The following MXRA5 variants were observed in gnomAD, a reference collection of about 807,000 sequenced individuals.
The protein encoded by MXRA5 is matrix-remodeling-associated protein 5.
MXRA5 carries 41 observed loss-of-function variants against 112.5 expected under a neutral mutation model. The observed-to-expected ratio is 0.36, with a 90% confidence interval of 0.28 to 0.47. The LOEUF (loss-of-function observed/expected upper bound fraction) is 0.47. Among genes scored for constraint, MXRA5 ranks in the 20% least tolerant of loss-of-function variants. The pLI is 0.99. For missense variants in MXRA5, 2,150 were observed against 2,251.0 expected (o/e 0.96, Z 0.91); for synonymous variants, 862 against 900.8 (o/e 0.96, Z 0.77).
In MXRA5 at chrX:3,320,457, A is replaced by G. The variant is rs748188513; in HGVS notation, c.5228T>C (p.Leu1743Ser). 8.3e-7 allele frequency: 1 copy of G among 1,211,450 alleles called. No individual in the cohort carries two copies. ...TATCTGGGGTCTCCGGGTGACTCCC[A>G]ACTGTGGAAAAGAAAGAGTCTTGTT... Reference protein sequence around the residue: ...FTNKTLSFPQLGVTRRPQIPT... With the variant: ...FTNKTLSFPQSGVTRRPQIPT... Residue 1743 changes from leucine to serine, a missense_variant, in exon 5 of 7, where the codon TTG (leucine) becomes TCG (serine). Leu to Ser is a moderately radical substitution (Grantham distance 145). Around this residue, in one of 6 missense-constraint regions of MXRA5, gnomAD observed 1,485 missense variants for 1,471.6 expected, o/e 1.01. Coordinates refer to ENST00000217939, the MANE Select transcript of MXRA5 (RefSeq NM_015419.4).
At chrX:3,328,668 T>C (rs1372793325) in intron 4 of MXRA5, among the ~76,000 whole-genome samples, 1 of 108,380 alleles carries the variant, frequency 9.2e-6, no homozygotes, top group African/African-American at 3.4e-5. Flanking sequence ...GAGGATGGAG[T>C]TGAGGAAATA....
intron 2 of MXRA5, among the ~76,000 whole-genome samples, chrX:3,340,149 G>A (rs1921881316): frequency 1.8e-5 from 2 of 111,260 alleles, no homozygotes; most frequent in South Asian, 3.8e-4. Context: ...TTTCAGAAAC[G>A]CTTTTAGTTT....
intron 2 of MXRA5, among the ~76,000 whole-genome samples, chrX:3,338,507 T>C (rs747251940): frequency 2.2e-4 from 24 of 111,101 alleles, no homozygotes; most frequent in South Asian, 1.2e-3. Flanking sequence ...AGGTGATAGA[T>C]AGATGATAGA....
At chrX:3,315,278 T>G (rs1259529207) in intron 6 of MXRA5, among the ~76,000 whole-genome samples, 1 of 105,339 alleles carries the variant, frequency 9.5e-6, no homozygotes, top group Admixed American at 1.0e-4. Context: ...TGCAAACCAC[T>G]GCCATAGATG....
chrX:3,323,668 A>G lies in MXRA5; in HGVS notation c.2017T>C (p.Ser673Pro), dbSNP rs752048789. Residue 673 changes from serine to proline, a missense_variant, in exon 5 of 7, where the codon TCT (serine) becomes CCT (proline). By Grantham distance (74) the Ser-to-Pro change is moderately conservative. This residue lies in a region of MXRA5 where 1,485 missense variants were observed against 1,471.6 expected (regional missense o/e 1.01). Transcript: ENST00000217939. The stretch of plus-strand genomic sequence containing the variant: ...CTGCCTCTTTTGGATGGCAAGCCAG[A>G]CCCTTTCTTGGTCACTGTGATTCCC... The part of the protein sequence containing the change: ...TVGITVTKKG[S>P]GLPSKRGRRP... 1 of 1,209,937 alleles carries G rather than the reference A, an allele frequency of 8.3e-7. No individual in the cohort carries two copies. The highest frequency in any genetic ancestry group is 1.8e-5 in the South Asian group (1 of 56,782).
intron 4 of MXRA5, among the ~76,000 whole-genome samples, chrX:3,328,874 G>GAGGA (rs1970770878): frequency 1.0e-5 from 1 of 100,462 alleles, no homozygotes; most frequent in Non-Finnish European, 2.0e-5. Context: ...GAGAAGGCAG[G>GAGGA]AGGAAGGAAG....
In MXRA5 at chrX:3,310,097, C is replaced by T. The variant is rs554697868; in HGVS notation, c.8106G>A (p.Ser2702=). 2.7e-4 allele frequency: 326 copies of T among 1,209,360 alleles called. 3 individuals carry two copies. The South Asian group carries it at 5.2e-3, about 19-fold the overall frequency. The change falls in exon 7 of 7, where the codon TCG becomes TCA. Residue 2702 remains serine, a synonymous_variant. Transcript: ENST00000217939. ...DNGTLTVREA[S]VFDRGTYVCR... is the part of the protein sequence containing the mutation. ...ATACATAGGTACCCCTGTCAAACAC[C>T]GAGGCCTCACGAACCGTGAGGGTGC...
intron 6 of MXRA5, among the ~76,000 whole-genome samples, chrX:3,316,051 T>A (rs190082503): frequency 4.5e-5 from 1 of 22,301 alleles, no homozygotes; most frequent in Non-Finnish European, 9.6e-5. Flanking sequence ...GGGACAAAAT[T>A]TCATTGCAGA....
At chrX:3,332,649 G>A (rs1921695084) in intron 2 of MXRA5, among the ~76,000 whole-genome samples, 2 of 112,126 alleles carry the variant, frequency 1.8e-5, no homozygotes, top group Admixed American at 1.9e-4. Flanking sequence ...TGGTGTATGG[G>A]GAAAATATAG....
chrX:3,315,372 G>GATGA (rs1234112267), intron 6 of MXRA5, among the ~76,000 whole-genome samples: 23 of 29,569 alleles, frequency 7.8e-4, no homozygotes, highest in South Asian at 4.2e-3. Context: ...TAGATAGATA[G>GATGA]AATAGATAGA....
chrX:3,343,645 C>A lies in MXRA5; in HGVS notation c.188+1G>T. On this transcript the variant is annotated splice_donor_variant, in intron 2 of 6. Coordinates refer to ENST00000217939, the MANE Select transcript of MXRA5 (RefSeq NM_015419.4). LOFTEE classifies it high-confidence loss of function. ...AGGTTCGGGAAGAAAGTGGTACAAA[C>A]CCCAAATTGATTCTTTCCACGTGTT... is the stretch of plus-strand genomic sequence containing the variant. The A allele has an allele frequency of 1.7e-6, 2 of 1,209,664 alleles. No homozygotes were observed. Among genetic ancestry groups the A allele is most frequent in the Non-Finnish European group, 2.2e-6 (2 of 893,995 alleles).
chrX:3,341,281 A>G (rs1421046158), intron 2 of MXRA5, among the ~76,000 whole-genome samples: 1 of 48,240 alleles, frequency 2.1e-5, no homozygotes, highest in African/African-American at 7.5e-5. Context: ...TATAATATAT[A>G]ATTAATATAT....
chrX:3,333,930 T>C (rs948205513), intron 2 of MXRA5, among the ~76,000 whole-genome samples: 3 of 110,410 alleles, frequency 2.7e-5, no homozygotes, highest in Non-Finnish European at 3.8e-5. Context: ...GGAAAGGAGG[T>C]CCCAGTGTGT....
rs751327127 is a variant in MXRA5, at chrX:3,322,815, G to A, written c.2870C>T (p.Ser957Phe). 1 of 1,211,713 alleles carries A rather than the reference G, an allele frequency of 8.3e-7. No homozygotes were observed. The highest frequency in any genetic ancestry group is 3.0e-5 in the East Asian group (1 of 33,827). ...ATCCAATGGAGGCTCATACTCACTG[G>A]ATGTGGGCTCTGGTGACGATCCAAC... is the stretch of plus-strand genomic sequence containing the variant. Reference protein sequence around the residue: ...ADVGSSPEPTSSEYEPPLDAV... With the variant: ...ADVGSSPEPTFSEYEPPLDAV... Residue 957 changes from serine (S) to phenylalanine (F), a missense_variant, in exon 5 of 7, where the codon TCC becomes TTC. By Grantham distance (155) the Ser-to-Phe change is radical (BLOSUM62 -2). Coordinates refer to ENST00000217939, the MANE Select transcript of MXRA5 (RefSeq NM_015419.4).
In MXRA5 at chrX:3,326,086, T is replaced by TATTTATATATATTTATACATAAATAC. The variant is rs1472103563; in HGVS notation, c.710-1137_710-1112dup. The stretch of plus-strand genomic sequence containing the variant: ...ATTTATACATAAATACATTTATATA[T>TATTTATATATATTTATACATAAATAC]ATTTATATATATTTATACATAAATA... On this transcript the variant is annotated intron_variant, in intron 4 of 6. Transcript: ENST00000217939. Among the ~76,000 whole-genome samples, 39 of 17,947 alleles carry TATTTATATATATTTATACATAAATAC rather than the reference T, an allele frequency of 2.2e-3. 1 individual carries two copies. Among genetic ancestry groups the TATTTATATATATTTATACATAAATAC allele is most frequent in the African/African-American group, 5.4e-3 (37 of 6,869 alleles). The allele number at this position is 17,947 out of a possible 115,157, so 15.6% of individuals were successfully genotyped here. A position where few individuals can be genotyped will look rare whatever the true frequency, so the allele number is the denominator to read the frequency against.
At chrX:3,316,497 T>TTAATAATAATAATAATAATAA (rs757741576) in intron 6 of MXRA5, among the ~76,000 whole-genome samples, 6,497 of 84,939 alleles carry the variant, frequency 0.076, 310 homozygotes, top group Middle Eastern at 0.11. Flanking sequence ...CTACAAAAAG[T>TTAATAATAATAATAATAATAA]TAATAATAAT....
At chrX:3,315,062 G>A (rs1394590978) in intron 6 of MXRA5, among the ~76,000 whole-genome samples, 1 of 109,359 alleles carries the variant, frequency 9.1e-6, no homozygotes, top group Non-Finnish European at 1.9e-5. Flanking sequence ...AGGGTTACTT[G>A]ACCTCAGCCG....
rs189223282 is a variant in MXRA5, at chrX:3,339,488, G to A, written c.188+4158C>T. Among the ~76,000 whole-genome samples the A allele has an allele frequency of 6.1e-3, 669 of 110,229 alleles. 9 individuals are homozygous for A. Among genetic ancestry groups the A allele is most frequent in the African/African-American group, 0.021 (623 of 30,324 alleles). On this transcript the variant is annotated intron_variant, in intron 2 of 6. Transcript: ENST00000217939. ...TCACCGTGTTAGCCAGGATGGTCTC[G>A]ATCTCCTGACCTCGTGATCCACCCG...
At chrX:3,329,019 A>T (rs1921580311) in intron 4 of MXRA5, among the ~76,000 whole-genome samples, 1 of 99,600 alleles carries the variant, frequency 1.0e-5, no homozygotes, top group South Asian at 5.6e-4. Context: ...GGAGGGAAGG[A>T]GGGAATGAAG....
Sources: allele counts gnomAD v4.1 joint callset (sites outside exome capture counted in the v4.1 genomes callset), GRCh38; gene constraint gnomAD v4.1.1; regional missense constraint gnomAD v4.1.1; transcripts MANE v1.5; gene names NCBI Gene and HGNC (gene_info 2026-07-23, HGNC 2026-07-21).